GABRA6: variants seen among roughly 807,000 people sequenced by gnomAD.
GABRA6 encodes the protein gamma-aminobutyric acid type A receptor subunit alpha6.
A neutral mutation model predicts 47.3 loss-of-function variants in GABRA6; 45 were observed. The observed-to-expected ratio is 0.95, with a 90% CI of 0.75 to 1.22. The LOEUF is 1.22. GABRA6 is among the 50% of genes most tolerant of loss of function. GABRA6 has a pLI of 0.00. For synonymous variants in GABRA6, 219 were observed against 194.7 expected, an observed-to-expected ratio of 1.12 and a Z score of -1.04; for missense variants, 583 against 549.3, an observed-to-expected ratio of 1.06 and a Z score of -0.61.
chr5:161,698,098 A>C, intron 8 of GABRA6, among the ~76,000 whole-genome samples: 1 of 152,196 alleles, frequency 6.6e-6, no homozygotes, highest in Non-Finnish European at 1.5e-5. Context: ...GGAAATGTTT[A>C]GATTTTTTTC....
rs368952945 is a variant in GABRA6 at position 161,688,958 on chromosome 5, A to G, written c.235A>G (p.Met79Val). 8 of 1,613,204 alleles carry G rather than the reference A, an allele frequency of 5.0e-6. No homozygotes were observed. In the African/African-American group the frequency reaches 5.3e-5, roughly 11 times the overall value. Residue 79 changes from methionine to valine, a missense_variant, in exon 4 of 9, where the codon ATG becomes GTG. Coordinates refer to ENST00000274545, the MANE Select transcript of GABRA6 (RefSeq NM_000811.3). Reference sequence around the variant, plus strand: ...TTTTATTTTCTCTTAGGAGTATACGATGGATGTTTTTTTCCGCCAGACCTG... The same window carrying G: ...TTTTATTTTCTCTTAGGAGTATACGGTGGATGTTTTTTTCCGCCAGACCTG... Reference protein sequence around the residue: ...PVSDVEMEYTMDVFFRQTWTD... With the variant: ...PVSDVEMEYTVDVFFRQTWTD...
chr5:161,701,418 A>G (rs567607926), intron 8 of GABRA6, 80 bp from the exon 9 acceptor site: 7 of 1,446,952 alleles, frequency 4.8e-6, no homozygotes, highest in East Asian at 4.5e-5. Flanking sequence ...ATATTTGTCA[A>G]TGGTGAAAGA....
chr5:161,687,465 T>C (rs1235027450), intron 3 of GABRA6: 1 of 453,210 alleles, frequency 2.2e-6, no homozygotes, highest in African/African-American at 2.0e-5. Context: ...GAAAGGCTGA[T>C]GCTCTCCACC....
Position 161,685,810 on chromosome 5 carries a change from CA to C in GABRA6, c.-179del, listed in dbSNP as rs1754681000. On this transcript the variant is annotated 5_prime_UTR_variant, in exon 1 of 9. Transcript: ENST00000274545. ...AGAAGGAAACAAGAAAGAAGGGAGC[CA>C]GGGGAATCCTGCAAATTTTTAGGCA... 4.6e-6 allele frequency: 3 copies of C among 654,244 alleles called. No individual in the cohort carries two copies. In the East Asian group the frequency reaches 8.2e-5, roughly 18 times the overall value. The allele number at this position is 654,244 out of a possible 1,614,324, so 40.5% of individuals were successfully genotyped here.
At chr5:161,693,134 C>T (rs1250757414) in intron 8 of GABRA6, among the ~76,000 whole-genome samples, 1 of 152,132 alleles carries the variant, frequency 6.6e-6, no homozygotes, top group Non-Finnish European at 1.5e-5. Context: ...ATTTCCATAT[C>T]TGAAAACTAC....
chr5:161,685,967 T>C lies in GABRA6; in HGVS notation c.-23T>C, dbSNP rs775009633. 1 of 1,610,874 alleles carries C rather than the reference T, an allele frequency of 6.2e-7. No individual in the cohort carries two copies. Among genetic ancestry groups the C allele is most frequent in the Non-Finnish European group, 8.5e-7 (1 of 1,176,984 alleles). On this transcript the variant is annotated 5_prime_UTR_variant, in exon 1 of 9. Coordinates refer to ENST00000274545, the MANE Select transcript of GABRA6 (RefSeq NM_000811.3). Reference sequence around the variant, plus strand: ...GGAGGACGACCCTAGGAGGGTGAATTCTGCATTTCAGTGCACTGCAGGATG... The same window carrying C: ...GGAGGACGACCCTAGGAGGGTGAATCCTGCATTTCAGTGCACTGCAGGATG...
At position 161,702,542 on chromosome 5, in the gene GABRA6, G is replaced by T. The variant is rs1191068894; in HGVS notation, c.*769G>T. 1 of 152,054 alleles carries T rather than the reference G, an allele frequency of 6.6e-6. No homozygotes were observed. The highest frequency in any genetic ancestry group is 1.5e-5 in the Non-Finnish European group (1 of 67,998). The allele number at this position is 152,054 out of a possible 1,614,324, so 9.4% of individuals were successfully genotyped here. On this transcript the variant is annotated 3_prime_UTR_variant, in exon 9 of 9. Coordinates refer to ENST00000274545, the MANE Select transcript of GABRA6 (RefSeq NM_000811.3). Reference sequence around the variant, plus strand: ...TATATTATGACTATGGTTATCTCTTGTGTTTTCCACATTTCCAATTATAAC... The same window carrying T: ...TATATTATGACTATGGTTATCTCTTTTGTTTTCCACATTTCCAATTATAAC...
intron 8 of GABRA6, among the ~76,000 whole-genome samples, chr5:161,693,722 G>A (rs1303158442): frequency 6.6e-6 from 1 of 152,122 alleles, no homozygotes; most frequent in Non-Finnish European, 1.5e-5. Context: ...GGGAACTGAG[G>A]CAAGAAGATT....
At chr5:161,700,760 A>T (rs1232453549) in intron 8 of GABRA6, among the ~76,000 whole-genome samples, 1 of 152,168 alleles carries the variant, frequency 6.6e-6, no homozygotes, top group Admixed American at 6.5e-5. Flanking sequence ...TGAGTTTAGT[A>T]AATGAATCAT....
chr5:161,687,106 C>A, intron 3 of GABRA6, 103 bp downstream of exon 3: 1 of 904,302 alleles, frequency 1.1e-6, no homozygotes, highest in South Asian at 1.3e-5. Flanking sequence ...GCTCCAGATT[C>A]ATGACACAAT....
intron 8 of GABRA6, among the ~76,000 whole-genome samples, chr5:161,697,602 C>G (rs981259172): frequency 7.9e-5 from 12 of 152,134 alleles, no homozygotes; most frequent in Middle Eastern, 3.4e-3. Context: ...TCTGGAGATA[C>G]AACTTGAGGT....
At chr5:161,691,238 G>A (rs1438074148) in intron 7 of GABRA6, among the ~76,000 whole-genome samples, 1 of 131,012 alleles carries the variant, frequency 7.6e-6, no homozygotes, top group Admixed American at 7.4e-5. Context: ...CATTTAATAT[G>A]TTAGCTGGTA....
rs1017274929 is a variant in GABRA6, at chr5:161,686,462, A to G, written c.157+114A>G. 6.1e-6 allele frequency: 5 copies of G among 825,466 alleles called. No individual in the cohort carries two copies. The South Asian group carries it at 6.7e-5, about 11-fold the overall frequency. 51.1% of individuals were successfully genotyped at this position (825,466 alleles called of 1,614,324 possible). A position where few individuals can be genotyped will look rare whatever the true frequency, so the allele number is the denominator to read the frequency against. ...GTAGTGGGAAGGGGCAGGGTACGGG[A>G]GAGAGACCATGGGTATGTTCCCATC... On this transcript the variant is annotated intron_variant, in intron 2 of 8. Coordinates refer to ENST00000274545, the MANE Select transcript of GABRA6 (RefSeq NM_000811.3).
rs1754803541 is a variant in GABRA6 at position 161,692,132 on chromosome 5, C to T, written c.1018C>T (p.Gln340Ter). The T allele has an allele frequency of 2.5e-6, 4 of 1,614,148 alleles. No homozygotes were observed. Among genetic ancestry groups the T allele is most frequent in the Middle Eastern group, 1.6e-4 (1 of 6,062 alleles). The change falls in exon 8 of 9, where the codon CAG (glutamine) becomes TAG (stop). Residue 340 changes from glutamine to a stop codon, truncating the protein, a stop_gained. Coordinates refer to ENST00000274545, the MANE Select transcript of GABRA6 (RefSeq NM_000811.3). LOFTEE classifies it high-confidence loss of function. ...GACACAGAAGGCCAAAAGGAAGGCA[C>T]AGTTTGCAGCCCCACCCACAGTGAC... is the stretch of plus-strand genomic sequence containing the variant. ...LQTQKAKRKA[Q>*]FAAPPTVTIS...
intron 7 of GABRA6, 25 bp downstream of exon 7, chr5:161,690,378 C>T (rs558457715): frequency 8.1e-6 from 13 of 1,604,268 alleles, no homozygotes; most frequent in East Asian, 4.5e-5. Flanking sequence ...TTGTACTTCA[C>T]GTACATTCAT....
intron 2 of GABRA6, among the ~76,000 whole-genome samples, chr5:161,686,681 T>C (rs915150427): frequency 3.3e-5 from 5 of 152,188 alleles, no homozygotes; most frequent in Non-Finnish European, 5.9e-5. Context: ...ACATTAGTTA[T>C]TATCATTTTC....
intron 7 of GABRA6, among the ~76,000 whole-genome samples, chr5:161,691,288 C>CTTTTTTTTTTTTT (rs1160422481): frequency 1.1e-4 from 9 of 84,710 alleles, no homozygotes; most frequent in South Asian, 5.4e-4. Flanking sequence ...TTTTTCTTTC[C>CTTTTTTTTTTTTT]TTTTTTTTTT....
rs996020649 is a variant in GABRA6, at chr5:161,686,001, T to G, written c.12T>G (p.Ser4=). The change falls in exon 1 of 9, where the codon TCT becomes TCG. Residue 4 remains serine, a synonymous_variant. Coordinates refer to ENST00000274545, the MANE Select transcript of GABRA6 (RefSeq NM_000811.3). The part of the protein sequence containing the change: MAS[S]LPWLCIILWL... The stretch of plus-strand genomic sequence containing the variant: ...CAGTGCACTGCAGGATGGCGTCGTC[T>G]CTGCCCTGGCTGTGCATTATTCTGT... The G allele has an allele frequency of 4.3e-6, 7 of 1,613,836 alleles. No homozygotes were observed. The African/African-American group carries it at 9.3e-5, about 22-fold the overall frequency.
chr5:161,698,782 A>G (rs1468278393), intron 8 of GABRA6, among the ~76,000 whole-genome samples: 1 of 152,174 alleles, frequency 6.6e-6, no homozygotes, highest in Non-Finnish European at 1.5e-5. Flanking sequence ...TTGTTCTCTT[A>G]ACTCCTAGAA....
Sources: allele counts gnomAD v4.1 joint callset (sites outside exome capture counted in the v4.1 genomes callset), GRCh38; gene constraint gnomAD v4.1.1; transcripts MANE v1.5; gene names NCBI Gene and HGNC (gene_info 2026-07-23, HGNC 2026-07-21).